Variants in TRMT11 observed in about 807,000 individuals in gnomAD.
The protein encoded by TRMT11 is tRNA (guanine(10)-N(2))-methyltransferase TRMT11.
Under a neutral mutation model 62.8 loss-of-function variants are expected in TRMT11, and 53 were observed. That is an observed-to-expected ratio of 0.84 (90% CI 0.68 to 1.06). The LOEUF (loss-of-function observed/expected upper bound fraction) is 1.06, where lower values mean the gene tolerates loss of function less well. TRMT11 is among the 50% of genes least tolerant of loss of function. The pLI is 0.00. For synonymous variants in TRMT11, 188 were observed against 190.3 expected (o/e 0.99, Z 0.10); for missense variants, 556 against 553.4 (o/e 1.00, Z -0.05).
chr6:126,008,786 G>A, intron 8 of TRMT11: 1 of 510,432 alleles, frequency 2.0e-6, no homozygotes, highest in Admixed American at 2.3e-5. Flanking sequence ...AGTTCTGGGG[G>A]AGTCAAAAGT....
At chr6:125,997,242 A>T (rs894121093) in intron 3 of TRMT11, among the ~76,000 whole-genome samples, 9 of 152,228 alleles carry the variant, frequency 5.9e-5, no homozygotes, top group African/African-American at 2.2e-4. Context: ...TTCAATAGAA[A>T]AGGAAGAAAT....
chr6:126,263,020 A>C, the TRMT11 span, among the ~76,000 whole-genome samples: 1 of 151,948 alleles, frequency 6.6e-6, no homozygotes, highest in Non-Finnish European at 1.5e-5. Flanking sequence ...TGATTTACAT[A>C]GAGTTGTTAC....
At chr6:126,045,144 C>T (rs755040273) in intron 16 of TRMT11, among the ~76,000 whole-genome samples, 2 of 151,236 alleles carry the variant, frequency 1.3e-5, no homozygotes, top group African/African-American at 2.4e-5. Context: ...GCTGAGATTA[C>T]ACCACTGCAC....
In TRMT11 at chr6:126,129,759, C is replaced by A. The variant is rs150813150; in HGVS notation, c.*1823+13904C>A. Among the ~76,000 whole-genome samples the A allele has an allele frequency of 5.8e-4, 88 of 152,192 alleles. 1 individual carries two copies. Among genetic ancestry groups the A allele is most frequent in the African/African-American group, 2.0e-3 (85 of 41,562 alleles). On this transcript the variant is annotated intron_variant and NMD_transcript_variant, in intron 21 of 22. Coordinates refer to the TRMT11 transcript ENST00000648977. ...CAGGCTACATTCCTCTTTAAAGTAG[C>A]ATTATATAAAATTGTATTTCCGTCT...
At chr6:126,259,487 G>A in the TRMT11 span, among the ~76,000 whole-genome samples, 6 of 152,174 alleles carry the variant, frequency 3.9e-5, no homozygotes, top group East Asian at 3.8e-4. Flanking sequence ...GTGAGCCACC[G>A]CACCTGGCCT....
At chr6:126,250,037 T>C in the TRMT11 span, among the ~76,000 whole-genome samples, 7 of 152,204 alleles carry the variant, frequency 4.6e-5, no homozygotes, top group Non-Finnish European at 8.8e-5. Flanking sequence ...GCAAAGGACT[T>C]TGTTACACTC....
At chr6:126,142,868 A>G (rs547392087) in intron 21 of TRMT11, among the ~76,000 whole-genome samples, 3 of 152,212 alleles carry the variant, frequency 2.0e-5, no homozygotes, top group African/African-American at 4.8e-5. Flanking sequence ...TCAATTTTCT[A>G]AACTGTAGAA....
intron 17 of TRMT11, among the ~76,000 whole-genome samples, chr6:126,111,699 G>A (rs182797443): frequency 4.0e-4 from 61 of 152,148 alleles, no homozygotes; most frequent in Admixed American, 1.6e-3. Flanking sequence ...ATTCCAAGGC[G>A]GAATGGAGTG....
chr6:126,128,755 A>G (rs953703766), intron 21 of TRMT11, among the ~76,000 whole-genome samples: 2 of 152,062 alleles, frequency 1.3e-5, no homozygotes, highest in African/African-American at 4.8e-5. Flanking sequence ...AGCAGTTAAT[A>G]TGACAGTACT....
intron 11 of TRMT11, among the ~76,000 whole-genome samples, chr6:126,015,227 T>C (rs1260642582): frequency 2.6e-5 from 4 of 151,454 alleles, no homozygotes; most frequent in Non-Finnish European, 5.9e-5. Context: ...ATATCTATTA[T>C]CACTAATCTT....
chr6:126,082,688 A>T (rs894409133), intron 17 of TRMT11, among the ~76,000 whole-genome samples: 1 of 152,152 alleles, frequency 6.6e-6, no homozygotes, highest in Non-Finnish European at 1.5e-5. Flanking sequence ...CTTGAAACTT[A>T]ATCAAATTTA....
At chr6:126,090,314 A>G (rs1488940317) in intron 17 of TRMT11, among the ~76,000 whole-genome samples, 3 of 152,168 alleles carry the variant, frequency 2.0e-5, no homozygotes, top group Non-Finnish European at 4.4e-5. Context: ...TATACGTTCA[A>G]TAGACAGTTG....
intron 7 of TRMT11, 99 bp downstream of exon 7, chr6:125,999,712 T>G (rs1792162991): frequency 1.8e-6 from 2 of 1,109,230 alleles, no homozygotes. Flanking sequence ...ATGGATAATC[T>G]TTTAATTGTG....
At chr6:126,265,408 T>C in the TRMT11 span, among the ~76,000 whole-genome samples, 1 of 152,164 alleles carries the variant, frequency 6.6e-6, no homozygotes, top group African/African-American at 2.4e-5. Context: ...CTGAAGATAC[T>C]TTTCTAATTT....
At chr6:126,031,985 G>T (rs1419186478) in intron 12 of TRMT11, among the ~76,000 whole-genome samples, 1 of 152,126 alleles carries the variant, frequency 6.6e-6, no homozygotes, top group Non-Finnish European at 1.5e-5. Context: ...ATTTTGCGGG[G>T]AGGTAGATAT....
chr6:126,132,269 G>A (rs925011006), intron 21 of TRMT11, among the ~76,000 whole-genome samples: 6 of 152,002 alleles, frequency 3.9e-5, no homozygotes, highest in Non-Finnish European at 8.8e-5. Context: ...TAAGGCATAG[G>A]TGGCACAGGT....
chr6:126,151,771 C>T (rs1467818574), intron 21 of TRMT11, among the ~76,000 whole-genome samples: 2 of 138,412 alleles, frequency 1.4e-5, no homozygotes, highest in Non-Finnish European at 3.1e-5. Context: ...CCTTCCCTTC[C>T]TTTCACCCTT....
chr6:125,999,387 C>A, intron 6 of TRMT11, 70 bp from the exon 7 acceptor site: 1 of 1,247,094 alleles, frequency 8.0e-7, no homozygotes, highest in Non-Finnish European at 1.1e-6. Context: ...ATACAATGGT[C>A]TTATTGTGAG....
At chr6:126,175,281 A>G (rs1778372679), upstream of TRMT11, among the ~76,000 whole-genome samples, 1 of 152,172 alleles carries the variant, frequency 6.6e-6, no homozygotes, top group Non-Finnish European at 1.5e-5. Flanking sequence ...ATTAGAGTGT[A>G]CAGGGTCCTC....
Sources: allele counts gnomAD v4.1 joint callset (sites outside exome capture counted in the v4.1 genomes callset), GRCh38; gene constraint gnomAD v4.1.1; transcripts MANE v1.5; gene names NCBI Gene and HGNC (gene_info 2026-07-23, HGNC 2026-07-21).